Variants in SCNN1B observed in about 807,000 individuals in gnomAD.
The protein encoded by SCNN1B is epithelial sodium channel subunit beta.
SCNN1B carries 46 observed loss-of-function variants against 65.3 expected under a neutral mutation model. That is an observed-to-expected ratio of 0.70 (90% confidence interval 0.56 to 0.90). SCNN1B has a LOEUF of 0.90. SCNN1B is among the 40% of genes least tolerant of loss of function. The pLI is 0.00. For missense variants in SCNN1B, 751 were observed against 830.5 expected (o/e 0.90, Z 1.18); for synonymous variants, 349 against 330.6 (o/e 1.06, Z -0.60).
In SCNN1B at chr16:23,340,262, C is replaced by T. The variant is rs150299117; in HGVS notation, c.-8-8330C>T. On this transcript the variant is annotated intron_variant, in intron 1 of 12. Transcript: ENST00000343070. ...GGAGCTTGCTCTCTCATTTTCTCAACCATGTCTTTTGAAAAGCAGAAGATT... is the reference window on the plus strand; with the variant it reads ...GGAGCTTGCTCTCTCATTTTCTCAATCATGTCTTTTGAAAAGCAGAAGATT... Among the ~76,000 whole-genome samples the T allele has an allele frequency of 2.6e-5, 4 of 152,280 alleles. No homozygotes were observed. The East Asian group carries it at 7.7e-4, about 29-fold the overall frequency.
chr16:23,380,203 GCCCTGCCCTGAC>G lies in SCNN1B; in HGVS notation c.1542+41_1542+52del. On this transcript the variant is annotated intron_variant, in intron 12 of 12. Coordinates refer to ENST00000343070, the MANE Select transcript of SCNN1B (RefSeq NM_000336.3). This position sits in a 1 kb window ranked among gnomAD's most constrained non-coding sequence, Gnocchi z 5.4. ...AGGAGTCTCCCAATACCCCAGCCCT[GCCCTGCCCTGAC>G]CCCTGCACCCTGAGGGTGGGGGAAG... is the stretch of plus-strand genomic sequence containing the variant. 6.3e-7 allele frequency: 1 copy of G among 1,581,274 alleles called. No individual in the cohort carries two copies. The highest frequency in any genetic ancestry group is 8.7e-7 in the Non-Finnish European group (1 of 1,150,262).
At chr16:23,334,261 A>G (rs1295206427) in intron 1 of SCNN1B, among the ~76,000 whole-genome samples, 2 of 152,098 alleles carry the variant, frequency 1.3e-5, no homozygotes, top group African/African-American at 2.4e-5. Flanking sequence ...TGAACCTCCC[A>G]TGACCCACCC....
intron 1 of SCNN1B, among the ~76,000 whole-genome samples, chr16:23,319,161 C>T (rs1018349886): frequency 1.3e-5 from 2 of 152,216 alleles, no homozygotes; most frequent in Admixed American, 1.3e-4. Context: ...CTGCCTCAGC[C>T]TCCTGCGTAG....
chr16:23,356,678 T>C (rs1374804781), intron 4 of SCNN1B, among the ~76,000 whole-genome samples: 4 of 151,872 alleles, frequency 2.6e-5, no homozygotes, highest in African/African-American at 9.7e-5. Flanking sequence ...GTGTTTCCTG[T>C]AAATATTCTT....
At chr16:23,377,672 CT>C (rs1244157093) in intron 10 of SCNN1B, among the ~76,000 whole-genome samples, 35 of 140,244 alleles carry the variant, frequency 2.5e-4, no homozygotes, top group African/African-American at 3.0e-4. Context: ...TCCTTCCTTC[CT>C]TTCTCCCTCC....
At chr16:23,299,254 T>A (rs1338153649), upstream of SCNN1B, among the ~76,000 whole-genome samples, 1 of 152,000 alleles carries the variant, frequency 6.6e-6, no homozygotes, top group Admixed American at 6.6e-5. Context: ...GAGATGGGGC[T>A]TCACCATGTT....
At chr16:23,298,782 A>G (rs1308983175), upstream of SCNN1B, among the ~76,000 whole-genome samples, 1 of 152,240 alleles carries the variant, frequency 6.6e-6, no homozygotes, top group African/African-American at 2.4e-5. Flanking sequence ...CTTTGTTCAT[A>G]GTTGCTTAAA....
At chr16:23,281,162 G>A (rs962630737) in intron 1 of SCNN1B, among the ~76,000 whole-genome samples, 2 of 152,216 alleles carry the variant, frequency 1.3e-5, no homozygotes, top group Non-Finnish European at 1.5e-5. Flanking sequence ...AAATAAGGCG[G>A]TGGCCCACAC....
At chr16:23,291,462 ATGTGTGTGTGTAAGTG>A (rs1339609414) in intron 2 of SCNN1B, among the ~76,000 whole-genome samples, 1 of 136,438 alleles carries the variant, frequency 7.3e-6, no homozygotes, top group Non-Finnish European at 1.6e-5. Context: ...CCATATATAT[ATGTGTGTGTGTAAGTG>A]TGTGTGTGTG....
At chr16:23,373,315 A>C (rs1962823939) in intron 7 of SCNN1B, among the ~76,000 whole-genome samples, 1 of 152,112 alleles carries the variant, frequency 6.6e-6, no homozygotes, top group South Asian at 2.1e-4. Context: ...TTTTGCAGAG[A>C]CAGAGTCTTG....
chr16:23,310,604 G>A (rs1014124748), intron 1 of SCNN1B, among the ~76,000 whole-genome samples: 4 of 152,214 alleles, frequency 2.6e-5, no homozygotes, highest in Admixed American at 6.5e-5. Flanking sequence ...TTGTGCCTGG[G>A]AGTTGGAGGC....
chr16:23,342,681 C>A (rs2142010319), intron 1 of SCNN1B, among the ~76,000 whole-genome samples: 1 of 152,246 alleles, frequency 6.6e-6, no homozygotes, highest in East Asian at 1.9e-4. Context: ...AAAAAAATCT[C>A]CTAGTGTTTT....
intron 1 of SCNN1B, among the ~76,000 whole-genome samples, chr16:23,345,598 G>A (rs1962169549): frequency 6.6e-6 from 1 of 152,122 alleles, no homozygotes; most frequent in African/African-American, 2.4e-5. Flanking sequence ...TTAAAAGTGA[G>A]GTCTCTCCTT....
At chr16:23,345,668 C>A (rs1962171084) in intron 1 of SCNN1B, among the ~76,000 whole-genome samples, 1 of 152,168 alleles carries the variant, frequency 6.6e-6, no homozygotes, top group Non-Finnish European at 1.5e-5. Flanking sequence ...GAGTCACATG[C>A]ACATCTCCCA....
Position 23,355,472 on chromosome 16 carries a change from T to C in SCNN1B, c.759T>C (p.Ala253=). 1 of 1,614,098 alleles carries C rather than the reference T, an allele frequency of 6.2e-7. No individual in the cohort carries two copies. The highest frequency in any genetic ancestry group is 8.5e-7 in the Non-Finnish European group (1 of 1,180,002). The change falls in exon 4 of 13, where the codon GCT becomes GCC. Residue 253 remains alanine (A), a synonymous_variant. Transcript: ENST00000343070. The part of the protein sequence containing the change: ...EQMILACLFG[A]EPCNYRNFTS... Reference sequence around the variant, plus strand: ...TGATCCTGGCCTGCCTATTCGGAGCTGAGCCCTGCAACTACCGGTGAGAGC... The same window carrying C: ...TGATCCTGGCCTGCCTATTCGGAGCCGAGCCCTGCAACTACCGGTGAGAGC...
intron 1 of SCNN1B, among the ~76,000 whole-genome samples, chr16:23,307,901 C>T (rs751819405): frequency 4.6e-5 from 7 of 152,054 alleles, no homozygotes; most frequent in African/African-American, 7.2e-5. Flanking sequence ...AAAAATTAGC[C>T]GGGTGTAGTG....
chr16:23,357,611 A>T (rs1300883377), intron 4 of SCNN1B, among the ~76,000 whole-genome samples: 1 of 152,220 alleles, frequency 6.6e-6, no homozygotes, highest in Non-Finnish European at 1.5e-5. Flanking sequence ...GCACAGGCAC[A>T]CATGGGCAGG....
intron 1 of SCNN1B, among the ~76,000 whole-genome samples, chr16:23,327,060 G>C (rs1036619977): frequency 1.3e-5 from 2 of 151,946 alleles, no homozygotes; most frequent in African/African-American, 4.8e-5. Context: ...GGGACTACAG[G>C]CATGCATCAC....
intron 1 of SCNN1B, among the ~76,000 whole-genome samples, chr16:23,305,862 C>T (rs1961206239): frequency 6.6e-6 from 1 of 151,924 alleles, no homozygotes; most frequent in South Asian, 2.1e-4. Context: ...CCTGGCCCAC[C>T]CCTCATTCAT....
Sources: allele counts gnomAD v4.1 joint callset (sites outside exome capture counted in the v4.1 genomes callset), GRCh38; gene constraint gnomAD v4.1.1; non-coding constraint Gnocchi (gnomAD v3.1); transcripts MANE v1.5; gene names NCBI Gene and HGNC (gene_info 2026-07-23, HGNC 2026-07-21).